Variants in UPF1 observed in about 807,000 individuals in gnomAD.
UPF1 encodes regulator of nonsense transcripts 1.
In UPF1, 9 loss-of-function variants were observed where a neutral mutation model predicts 129.2. That is an observed-to-expected ratio of 0.07 (90% confidence interval 0.04 to 0.12). The LOEUF is 0.12. Ranked by LOEUF, UPF1 falls within the 10% of genes least tolerant of loss-of-function variation. The pLI is 1.00. For synonymous variants in UPF1, 649 were observed against 644.9 expected (o/e 1.01, Z -0.10); for missense variants, 788 against 1,525.3 (o/e 0.52, Z 8.05).
rs1033191468 is a variant in UPF1 at position 18,851,710 on chromosome 19, G to A, written c.811-425G>A. 1.3e-5 allele frequency among the ~76,000 whole-genome samples: 2 copies of A among 152,226 alleles called. No individual in the cohort carries two copies. Among genetic ancestry groups the A allele is most frequent in the African/African-American group, 2.4e-5 (1 of 41,460 alleles). On this transcript the variant is annotated intron_variant, in intron 5 of 23. Coordinates refer to ENST00000262803, the MANE Select transcript of UPF1 (RefSeq NM_002911.4). This position sits in a 1 kb window ranked among gnomAD's most constrained non-coding sequence, Gnocchi z 4.2. Reference sequence around the variant, plus strand: ...AGGCCTCCCGGGCTGTGGACACAGCGAGAGAAACCGGTGGTCTTTGTGGCA... The same window carrying A: ...AGGCCTCCCGGGCTGTGGACACAGCAAGAGAAACCGGTGGTCTTTGTGGCA...
At chr19:18,847,932 G>T (rs746974593) in intron 3 of UPF1, 99 bp downstream of exon 3, 3 of 1,348,230 alleles carry the variant, frequency 2.2e-6, no homozygotes, top group South Asian at 1.3e-5. Context: ...ATAAAATCAC[G>T]CTAACAAACC....
rs141785250 is a variant in UPF1 at position 18,868,193 on chromosome 19, C to T, written c.*1676C>T. The T allele has an allele frequency of 3.6e-4, 88 of 244,406 alleles. No homozygotes were observed. Among genetic ancestry groups the T allele is most frequent in the Non-Finnish European group, 6.2e-4 (76 of 122,412 alleles). The allele number at this position is 244,406 out of a possible 1,614,324, so 15.1% of individuals were successfully genotyped here. A position where few individuals can be genotyped will look rare whatever the true frequency, so the allele number is the denominator to read the frequency against. On this transcript the variant is annotated 3_prime_UTR_variant, in exon 24 of 24. Transcript: ENST00000262803. ...TTTTGATTTTCGGTCAATTTAAGTT[C>T]TTTTGTCACCAAATATTAATAAACA...
rs777186942 is a variant in UPF1, at chr19:18,839,977, TAGA to T, written c.232-6000_232-5998del. On this transcript the variant is annotated intron_variant, in intron 1 of 23. Coordinates refer to ENST00000262803, the MANE Select transcript of UPF1 (RefSeq NM_002911.4). ...AGAGGGGTGGGCACAGCACTTTGCC[TAGA>T]AGGAGGGAGGGTGGATGTGGGGCCA... is the stretch of plus-strand genomic sequence containing the variant. Among the ~76,000 whole-genome samples, 96 of 151,998 alleles carry T rather than the reference TAGA, an allele frequency of 6.3e-4. 1 individual carries two copies. The highest frequency in any genetic ancestry group is 4.2e-3 in the Admixed American group (64 of 15,268).
chr19:18,857,668 T>A, intron 15 of UPF1, 135 bp downstream of exon 15: 2 of 1,038,356 alleles, frequency 1.9e-6, no homozygotes, highest in Non-Finnish European at 2.7e-6. Context: ...TCAGGGCACT[T>A]TGTGCCCAAG....
At position 18,867,012 on chromosome 19, in the gene UPF1, C is replaced by T. The variant is rs2055856881; in HGVS notation, c.*495C>T. The T allele has an allele frequency of 6.6e-6, 1 of 152,630 alleles. No homozygotes were observed. Among genetic ancestry groups the T allele is most frequent in the African/African-American group, 2.4e-5 (1 of 41,454 alleles). The allele number at this position is 152,630 out of a possible 1,614,324, so 9.5% of individuals were successfully genotyped here. ...TACCGGACGCGCCGAGGTCGCGCTG[C>T]CTGTGTTCTCCGAGGGCCTTCATTT... On this transcript the variant is annotated 3_prime_UTR_variant, in exon 24 of 24. Coordinates refer to ENST00000262803, the MANE Select transcript of UPF1 (RefSeq NM_002911.4).
At chr19:18,860,241 C>T in intron 15 of UPF1, 80 bp from the exon 16 acceptor site, 2 of 1,416,056 alleles carry the variant, frequency 1.4e-6, no homozygotes, top group Non-Finnish European at 2.0e-6. Flanking sequence ...TGTAGCGTAG[C>T]AACTACATTG....
At chr19:18,836,878 C>T (rs951635974) in intron 1 of UPF1, among the ~76,000 whole-genome samples, 6 of 151,536 alleles carry the variant, frequency 4.0e-5, no homozygotes, top group Admixed American at 6.6e-5. Context: ...CCTAGCCTCT[C>T]GAGTAGCTGG....
At position 18,846,019 on chromosome 19, in the gene UPF1, G is replaced by A. The variant is rs759056334; in HGVS notation, c.271G>A (p.Asp91Asn). ...EGILQNGAVD[D>N]SVAKTSQLLA... is the part of the protein sequence containing the mutation. ...CATCCTGCAGAACGGGGCTGTGGAC[G>A]ACAGTGTAGCCAAGACCAGCCAGTT... Residue 91 changes from aspartate to asparagine, a missense_variant, in exon 2 of 24, where the codon GAC (aspartate) becomes AAC (asparagine). By Grantham distance (23) the Asp-to-Asn change is conservative. Transcript: ENST00000262803. 5.0e-6 allele frequency: 8 copies of A among 1,614,046 alleles called. No homozygotes were observed. The highest frequency in any genetic ancestry group is 2.2e-5 in the East Asian group (1 of 44,906).
intron 15 of UPF1, 142 bp downstream of exon 15, chr19:18,857,675 CAAGGTCT>C: frequency 1.0e-6 from 1 of 980,260 alleles, no homozygotes; most frequent in Non-Finnish European, 1.5e-6. Flanking sequence ...ACTTTGTGCC[CAAGGTCT>C]TGATGGTATG....
At chr19:18,842,667 C>G (rs1475346402) in intron 1 of UPF1, among the ~76,000 whole-genome samples, 4 of 152,006 alleles carry the variant, frequency 2.6e-5, no homozygotes, top group African/African-American at 9.7e-5. Context: ...TTCCTATTCC[C>G]TCCCCTTTTT....
chr19:18,832,831 A>G lies in UPF1; in HGVS notation c.231+391A>G, dbSNP rs981999964. The stretch of plus-strand genomic sequence containing the variant: ...GGGCTGACCTGCCTTGTGTCCCACA[A>G]TCAGTCTGGCCTGGAGTAACCTGCC... On this transcript the variant is annotated intron_variant, in intron 1 of 23. Coordinates refer to ENST00000262803, the MANE Select transcript of UPF1 (RefSeq NM_002911.4). The surrounding 1 kb of genome is among the most constrained non-coding windows in gnomAD (Gnocchi z 5.6). 1.3e-5 allele frequency among the ~76,000 whole-genome samples: 2 copies of G among 152,112 alleles called. No individual in the cohort carries two copies. Among genetic ancestry groups the G allele is most frequent in the African/African-American group, 4.8e-5 (2 of 41,410 alleles).
chr19:18,836,516 TG>T (rs2055484614), intron 1 of UPF1, among the ~76,000 whole-genome samples: 1 of 152,128 alleles, frequency 6.6e-6, no homozygotes, highest in African/African-American at 2.4e-5. Context: ...AGCAGACCAG[TG>T]GTGGCTGGAC....
Position 18,865,227 on chromosome 19 carries a change from G to A in UPF1, c.2858-62G>A. On this transcript the variant is annotated intron_variant, in intron 20 of 23. Coordinates refer to ENST00000262803, the MANE Select transcript of UPF1 (RefSeq NM_002911.4). The surrounding 1 kb of genome is among the most constrained non-coding windows in gnomAD (Gnocchi z 6.1). Reference sequence around the variant, plus strand: ...CGGCTGACTGGCTGGTGGGGTGGGTGGGGTATCGCTGGGGTTTGACCGAGG... The same window carrying A: ...CGGCTGACTGGCTGGTGGGGTGGGTAGGGTATCGCTGGGGTTTGACCGAGG... The A allele has an allele frequency of 6.6e-7, 1 of 1,519,364 alleles. No homozygotes were observed. The highest frequency in any genetic ancestry group is 8.9e-7 in the Non-Finnish European group (1 of 1,124,422). 94.1% of individuals were successfully genotyped at this position (1,519,364 alleles called of 1,614,324 possible).
At chr19:18,842,490 G>A (rs1466926249) in intron 1 of UPF1, among the ~76,000 whole-genome samples, 1 of 152,030 alleles carries the variant, frequency 6.6e-6, no homozygotes, top group Non-Finnish European at 1.5e-5. Context: ...AGCTGGAGGG[G>A]TGTGGGGGTC....
chr19:18,852,535 G>A (rs2055670819), intron 6 of UPF1, among the ~76,000 whole-genome samples: 1 of 152,200 alleles, frequency 6.6e-6, no homozygotes, highest in Admixed American at 6.5e-5. Context: ...CTTTCCCAGT[G>A]GGGTCCACAG....
chr19:18,854,250 T>G (rs1310646017), intron 8 of UPF1, among the ~76,000 whole-genome samples: 1 of 152,072 alleles, frequency 6.6e-6, no homozygotes, highest in Non-Finnish European at 1.5e-5. Context: ...CCCGGTGAGG[T>G]CCTGGGGCCC....
At chr19:18,860,659 G>T (rs2055768483) in intron 16 of UPF1, among the ~76,000 whole-genome samples, 167 bp from the exon 17 acceptor site, 1 of 152,190 alleles carries the variant, frequency 6.6e-6, no homozygotes, top group Non-Finnish European at 1.5e-5. Flanking sequence ...AGCCGTTTCT[G>T]CCCCTCGAGA....
At chr19:18,862,587 GC>G (rs1321742758) in intron 18 of UPF1, among the ~76,000 whole-genome samples, 1 of 152,056 alleles carries the variant, frequency 6.6e-6, no homozygotes, top group Non-Finnish European at 1.5e-5. Flanking sequence ...TGTAATCCCA[GC>G]ACTTTGGGAG....
chr19:18,864,990 T>C (rs1431621645), intron 20 of UPF1, among the ~76,000 whole-genome samples: 1 of 152,152 alleles, frequency 6.6e-6, no homozygotes, highest in African/African-American at 2.4e-5. Flanking sequence ...CCACCTCGGC[T>C]TCCCAGAGTG....
Sources: allele counts gnomAD v4.1 joint callset (sites outside exome capture counted in the v4.1 genomes callset), GRCh38; gene constraint gnomAD v4.1.1; non-coding constraint Gnocchi (gnomAD v3.1); transcripts MANE v1.5; gene names NCBI Gene and HGNC (gene_info 2026-07-23, HGNC 2026-07-21).